Variants in PRDM6 observed in about 807,000 individuals in gnomAD.
The protein encoded by PRDM6 is putative histone-lysine N-methyltransferase PRDM6.
In PRDM6, 25 loss-of-function variants were observed where a neutral mutation model predicts 60.8. The observed-to-expected ratio is 0.41, with a 90% CI of 0.30 to 0.57. The LOEUF is 0.57. Among genes scored for constraint, PRDM6 ranks in the 20% least tolerant of loss-of-function variants. The pLI is 0.27. For missense variants in PRDM6, 839 were observed against 821.3 expected, an observed-to-expected ratio of 1.02 and a Z score of -0.26; for synonymous variants, 407 against 357.4, an observed-to-expected ratio of 1.14 and a Z score of -1.57.
At chr5:123,138,448 T>C (rs1765019100) in intron 3 of PRDM6, among the ~76,000 whole-genome samples, 1 of 152,268 alleles carries the variant, frequency 6.6e-6, no homozygotes, top group Non-Finnish European at 1.5e-5. Flanking sequence ...AGCACCTATA[T>C]AATCTCTGCT....
At chr5:123,090,638 G>C in intron 2 of PRDM6, 32 bp downstream of exon 2, 1 of 1,457,582 alleles carries the variant, frequency 6.9e-7, no homozygotes, top group South Asian at 1.3e-5. Flanking sequence ...GCTCTCTCCC[G>C]GGGCGCCGGC....
At position 123,090,296 on chromosome 5, in the gene PRDM6, C is replaced by T. The variant is rs909561419; in HGVS notation, c.282C>T (p.Ser94=). Reference sequence around the variant, plus strand: ...CTTCCACCTCCGCCTCCTCCGCCTCCTCCTGCGCTGCTGCGGCCGCTGCCG... The same window carrying T: ...CTTCCACCTCCGCCTCCTCCGCCTCTTCCTGCGCTGCTGCGGCCGCTGCCG... ...ASSSTSASSA[S]SCAAAAAAAA... The change falls in exon 2 of 8, where the codon TCC becomes TCT. Residue 94 remains serine, a synonymous_variant. Coordinates refer to ENST00000407847, the MANE Select transcript of PRDM6 (RefSeq NM_001136239.4). The T allele has an allele frequency of 6.7e-7, 1 of 1,488,868 alleles. No homozygotes were observed. Among genetic ancestry groups the T allele is most frequent in the African/African-American group, 1.5e-5 (1 of 68,444 alleles). 92.2% of individuals were successfully genotyped at this position (1,488,868 alleles called of 1,614,324 possible). A position where few individuals can be genotyped will look rare whatever the true frequency, so the allele number is the denominator to read the frequency against.
At chr5:123,184,931 G>A (rs1766249906) in intron 7 of PRDM6, among the ~76,000 whole-genome samples, 1 of 152,084 alleles carries the variant, frequency 6.6e-6, no homozygotes, top group Non-Finnish European at 1.5e-5. Flanking sequence ...ACGTTTGCTT[G>A]TATTTTTACT....
At chr5:123,150,154 A>G (rs1561855909) in intron 3 of PRDM6, among the ~76,000 whole-genome samples, 5 of 152,064 alleles carry the variant, frequency 3.3e-5, no homozygotes, top group Non-Finnish European at 7.4e-5. Context: ...TTTGGTTTTT[A>G]TATCAGCTCT....
chr5:123,179,808 T>G (rs1161855136), intron 6 of PRDM6, among the ~76,000 whole-genome samples: 3 of 152,188 alleles, frequency 2.0e-5, no homozygotes, highest in Non-Finnish European at 4.4e-5. Flanking sequence ...TTTTCTCTTG[T>G]AACAGTCTGC....
intron 3 of PRDM6, among the ~76,000 whole-genome samples, chr5:123,121,586 C>T (rs1055012207): frequency 1.3e-5 from 2 of 152,086 alleles, no homozygotes; most frequent in African/African-American, 4.8e-5. Context: ...ATCCCAGTCA[C>T]CTTAACATTT....
intron 3 of PRDM6, among the ~76,000 whole-genome samples, chr5:123,134,045 T>G (rs1195100576): frequency 6.6e-6 from 1 of 152,136 alleles, no homozygotes; most frequent in Non-Finnish European, 1.5e-5. Flanking sequence ...TTTACAAACT[T>G]TTGGGTTACT....
At chr5:123,158,918 T>C (rs1056583101) in intron 4 of PRDM6, among the ~76,000 whole-genome samples, 3 of 152,196 alleles carry the variant, frequency 2.0e-5, no homozygotes, top group African/African-American at 7.2e-5. Context: ...GAGTGTAATC[T>C]TTCAGCCAGA....
Position 123,090,505 on chromosome 5 carries a change from C to T in PRDM6, c.491C>T (p.Pro164Leu). 1.3e-6 allele frequency: 2 copies of T among 1,490,296 alleles called. No homozygotes were observed. The highest frequency in any genetic ancestry group is 8.9e-7 in the Non-Finnish European group (1 of 1,128,804). 92.3% of individuals were successfully genotyped at this position (1,490,296 alleles called of 1,614,324 possible). A position where few individuals can be genotyped will look rare whatever the true frequency, so the allele number is the denominator to read the frequency against. ...GGGGGEGRGA[P>L]RFRCSAEELD... ...GGCGGCGGGGAGGGTCGCGGCGCCCCGCGCTTCCGCTGCAGCGCAGAGGAG... is the reference window on the plus strand; with the variant it reads ...GGCGGCGGGGAGGGTCGCGGCGCCCTGCGCTTCCGCTGCAGCGCAGAGGAG... The change falls in exon 2 of 8, where the codon CCG becomes CTG. Residue 164 changes from proline (P) to leucine (L), a missense_variant. Physicochemically the swap from Pro to Leu is moderately conservative, Grantham distance 98. Coordinates refer to ENST00000407847, the MANE Select transcript of PRDM6 (RefSeq NM_001136239.4).
At chr5:123,090,971 CAG>C (rs915246964) in intron 2 of PRDM6, among the ~76,000 whole-genome samples, 8 of 152,186 alleles carry the variant, frequency 5.3e-5, no homozygotes, top group African/African-American at 1.7e-4. Flanking sequence ...CAGCGTGTGA[CAG>C]GGGGTGTCTG....
intron 7 of PRDM6, among the ~76,000 whole-genome samples, chr5:123,185,002 C>G (rs1374424341): frequency 2.0e-5 from 3 of 152,140 alleles, no homozygotes; most frequent in African/African-American, 7.2e-5. Context: ...CTTATGCACC[C>G]TATATATTGG....
At position 123,099,177 on chromosome 5, in the gene PRDM6, A is replaced by T. The variant is rs546970795; in HGVS notation, c.593-477A>T. ...TCTCTTCGAGACAGCAGATTGGGCA[A>T]GAGACGGGCTTTTTTTCGCAATACA... On this transcript the variant is annotated intron_variant, in intron 2 of 7. Transcript: ENST00000407847. The surrounding 1 kb of genome is among the most constrained non-coding windows in gnomAD (Gnocchi z 4.0). Among the ~76,000 whole-genome samples the T allele has an allele frequency of 1.1e-4, 16 of 152,356 alleles. No individual in the cohort carries two copies. The highest frequency in any genetic ancestry group is 1.9e-4 in the Non-Finnish European group (13 of 68,042).
chr5:123,106,249 G>A (rs1764195159), intron 3 of PRDM6, among the ~76,000 whole-genome samples: 1 of 152,238 alleles, frequency 6.6e-6, no homozygotes, highest in Non-Finnish European at 1.5e-5. Flanking sequence ...CTTAGGGAAA[G>A]AGCATAGTGT....
chr5:123,167,207 T>C (rs1765771771), intron 5 of PRDM6, among the ~76,000 whole-genome samples: 2 of 152,126 alleles, frequency 1.3e-5, no homozygotes, highest in African/African-American at 2.4e-5. Flanking sequence ...AATAGAGCAT[T>C]GTAAACTATC....
chr5:123,160,062 A>G (rs924795684), intron 5 of PRDM6, among the ~76,000 whole-genome samples: 1 of 152,250 alleles, frequency 6.6e-6, no homozygotes, highest in Non-Finnish European at 1.5e-5. Flanking sequence ...AAGCAATGAC[A>G]TTTAATCAGG....
intron 3 of PRDM6, among the ~76,000 whole-genome samples, chr5:123,124,608 G>A (rs1764652805): frequency 6.6e-6 from 1 of 152,156 alleles, no homozygotes; most frequent in South Asian, 2.1e-4. Context: ...CAATCACACT[G>A]CCTTGATTTA....
intron 3 of PRDM6, 77 bp from the exon 4 acceptor site, chr5:123,155,807 A>G (rs756314167): frequency 1.7e-5 from 26 of 1,493,850 alleles, no homozygotes; most frequent in Admixed American, 2.2e-5. Flanking sequence ...GCTGACACAT[A>G]AAGACACCAA....
rs1385843104 is a variant in PRDM6 at position 123,113,873 on chromosome 5, G to A, written c.900+13912G>A. 2.6e-5 allele frequency among the ~76,000 whole-genome samples: 4 copies of A among 152,298 alleles called. No individual in the cohort carries two copies. The South Asian group carries it at 8.3e-4, about 32-fold the overall frequency. The stretch of plus-strand genomic sequence containing the variant: ...CCTACCTTGTGTTCCAGGGCCATGG[G>A]CTTCATATTTATTATCCTAGAAAGT... On this transcript the variant is annotated intron_variant, in intron 3 of 7. Transcript: ENST00000407847.
chr5:123,190,710 T>C lies in PRDM6; in HGVS notation c.*3509T>C, dbSNP rs1766414823. On this transcript the variant is annotated 3_prime_UTR_variant, in exon 8 of 8. Coordinates refer to ENST00000407847, the MANE Select transcript of PRDM6 (RefSeq NM_001136239.4). ...ACGAACATTTAGCAGTTCATCAATT[T>C]TTAAATCAGATGTTCATTGTTTCAT... is the stretch of plus-strand genomic sequence containing the variant. 6.6e-6 allele frequency: 1 copy of C among 152,218 alleles called. No homozygotes were observed. Among genetic ancestry groups the C allele is most frequent in the Non-Finnish European group, 1.5e-5 (1 of 68,032 alleles). The allele number at this position is 152,218 out of a possible 1,614,324, so 9.4% of individuals were successfully genotyped here. A position where few individuals can be genotyped will look rare whatever the true frequency, so the allele number is the denominator to read the frequency against.
Sources: allele counts gnomAD v4.1 joint callset (sites outside exome capture counted in the v4.1 genomes callset), GRCh38; gene constraint gnomAD v4.1.1; non-coding constraint Gnocchi (gnomAD v3.1); transcripts MANE v1.5; gene names NCBI Gene and HGNC (gene_info 2026-07-23, HGNC 2026-07-21).